Variants in FOXP1 observed in about 807,000 individuals in gnomAD.
FOXP1 encodes the protein forkhead box protein P1.
Under a neutral mutation model 98.2 loss-of-function variants are expected in FOXP1, and 15 were observed. The observed-to-expected ratio is 0.15, with a 90% CI of 0.10 to 0.24. The LOEUF is 0.24. Among genes scored for constraint, FOXP1 ranks in the 10% least tolerant of loss-of-function variants. FOXP1 has a pLI of 1.00. For missense variants in FOXP1, 633 were observed against 848.5 expected (o/e 0.75, Z 3.15); for synonymous variants, 371 against 314.5 (o/e 1.18, Z -1.90).
At chr3:71,576,131 C>T (rs1265277588) in intron 2 of FOXP1, among the ~76,000 whole-genome samples, 1 of 152,210 alleles carries the variant, frequency 6.6e-6, no homozygotes. Flanking sequence ...TGTCCTATAA[C>T]ATGCTAGCCT....
chr3:71,242,585 A>G (rs541932084), intron 5 of FOXP1, among the ~76,000 whole-genome samples: 7 of 152,314 alleles, frequency 4.6e-5, no homozygotes, highest in African/African-American at 1.7e-4. Context: ...ATTTAATGTC[A>G]GAAGAGTTTC....
At position 71,572,812 on chromosome 3, in the gene FOXP1, C is replaced by G. The variant is rs553410639; in HGVS notation, c.-298+8737G>C. On this transcript the variant is annotated intron_variant, in intron 2 of 20. Coordinates refer to ENST00000649528, the MANE Select transcript of FOXP1 (RefSeq NM_001349338.3). ...GTACATGGGTGCTCACTGATTTACTCTTTGTTCCTTTTTTGTGCCTTACAT... is the reference window on the plus strand; with the variant it reads ...GTACATGGGTGCTCACTGATTTACTGTTTGTTCCTTTTTTGTGCCTTACAT... 5.9e-5 allele frequency: 9 copies of G among 152,302 alleles called. No homozygotes were observed. The East Asian group carries it at 1.7e-3, about 29-fold the overall frequency. The allele number at this position is 152,302 out of a possible 1,614,324, so 9.4% of individuals were successfully genotyped here.
At chr3:71,024,846 T>C (rs989447634) in intron 11 of FOXP1, among the ~76,000 whole-genome samples, 1 of 152,232 alleles carries the variant, frequency 6.6e-6, no homozygotes, top group Non-Finnish European at 1.5e-5. Flanking sequence ...TATTAACCAT[T>C]TATGTCCAGA....
At chr3:71,026,371 G>C (rs2046115926) in intron 11 of FOXP1, among the ~76,000 whole-genome samples, 1 of 152,182 alleles carries the variant, frequency 6.6e-6, no homozygotes, top group African/African-American at 2.4e-5. Context: ...AGTAGTCCTT[G>C]AGGATCCAGT....
At chr3:71,033,279 C>T (rs2047115737) in intron 11 of FOXP1, among the ~76,000 whole-genome samples, 1 of 152,004 alleles carries the variant, frequency 6.6e-6, no homozygotes, top group Non-Finnish European at 1.5e-5. Flanking sequence ...AATGGGGGGT[C>T]CAAAGATGGT....
intron 5 of FOXP1, among the ~76,000 whole-genome samples, chr3:71,233,245 G>GGA: frequency 1.4e-5 from 2 of 147,922 alleles, no homozygotes; most frequent in South Asian, 4.5e-4. Flanking sequence ...GGAGGGAAGG[G>GGA]GAGAGGAGGG....
At chr3:70,962,715 C>A (rs892623091) in intron 20 of FOXP1, among the ~76,000 whole-genome samples, 1 of 152,114 alleles carries the variant, frequency 6.6e-6, no homozygotes, top group African/African-American at 2.4e-5. Context: ...TCAGGTCTAT[C>A]AATCTTTTCA....
chr3:71,319,683 G>C (rs2075284499), intron 4 of FOXP1, among the ~76,000 whole-genome samples: 1 of 152,102 alleles, frequency 6.6e-6, no homozygotes, highest in South Asian at 2.1e-4. Context: ...AAGTCATTAA[G>C]TTTTCAGTCC....
chr3:71,569,562 G>A (rs900115545), intron 2 of FOXP1, among the ~76,000 whole-genome samples: 16 of 152,010 alleles, frequency 1.1e-4, no homozygotes, highest in Non-Finnish European at 2.1e-4. Flanking sequence ...TGAAAGAACA[G>A]CATGTAACAA....
chr3:71,159,019 T>A (rs1424523983), intron 6 of FOXP1, among the ~76,000 whole-genome samples: 1 of 143,464 alleles, frequency 7.0e-6, no homozygotes, highest in Non-Finnish European at 1.5e-5. Context: ...GGTAGGAGAA[T>A]CCCTGGAGCC....
intron 3 of FOXP1, among the ~76,000 whole-genome samples, chr3:71,469,609 G>T (rs2048059): frequency 1 from 152,226 of 152,322 alleles, 76,066 homozygotes; most frequent in Non-Finnish European, 1. Flanking sequence ...AAATTCACAT[G>T]GATTACCAAC....
chr3:71,208,139 C>A (rs1265206405), intron 5 of FOXP1, among the ~76,000 whole-genome samples: 2 of 152,208 alleles, frequency 1.3e-5, no homozygotes, highest in African/African-American at 4.8e-5. Context: ...CCAACAGGAT[C>A]ATATCAAGCC....
Position 70,965,970 on chromosome 3 carries a change from C to T in FOXP1, c.1809G>A (p.Arg603=). 1 of 1,614,138 alleles carries T rather than the reference C, an allele frequency of 6.2e-7. No homozygotes were observed. The highest frequency in any genetic ancestry group is 8.5e-7 in the Non-Finnish European group (1 of 1,180,022). The change falls in exon 20 of 21, where the codon CGG becomes CGA. Residue 603 remains arginine, a synonymous_variant. Coordinates refer to ENST00000649528, the MANE Select transcript of FOXP1 (RefSeq NM_001349338.3). ...GCTCCATTGCCCCGTTCAGCTCTTC[C>T]CGTATTGCGCTGGCTAAGTTGCCCA... ...PTLGNLASAI[R]EELNGAMEHT...
At chr3:71,501,714 T>C (rs1349859471) in intron 2 of FOXP1, among the ~76,000 whole-genome samples, 3 of 152,112 alleles carry the variant, frequency 2.0e-5, no homozygotes, top group South Asian at 2.1e-4. Context: ...AAGGTGACTA[T>C]AGTCAAAATA....
intron 2 of FOXP1, among the ~76,000 whole-genome samples, chr3:71,496,900 T>C (rs577432335): frequency 6.6e-6 from 1 of 152,216 alleles, no homozygotes; most frequent in South Asian, 2.1e-4. Flanking sequence ...TGACTTCTAA[T>C]ATTTTAAAGT....
intron 6 of FOXP1, among the ~76,000 whole-genome samples, chr3:71,148,288 A>T (rs1226165743): frequency 1.3e-5 from 2 of 152,172 alleles, no homozygotes; most frequent in Non-Finnish European, 2.9e-5. Context: ...GAGGCAAGAG[A>T]ATCACTTGAA....
intron 20 of FOXP1, among the ~76,000 whole-genome samples, chr3:70,961,085 G>T (rs1695349075): frequency 6.6e-6 from 1 of 151,858 alleles, no homozygotes; most frequent in Non-Finnish European, 1.5e-5. Context: ...GCCCGCCTTG[G>T]CCTCCCAAAG....
chr3:71,370,968 A>C (rs2079271230), intron 3 of FOXP1, among the ~76,000 whole-genome samples: 1 of 151,652 alleles, frequency 6.6e-6, no homozygotes, highest in Non-Finnish European at 1.5e-5. Context: ...CGCCCAGCTA[A>C]TTTTTTTAGT....
intron 6 of FOXP1, among the ~76,000 whole-genome samples, chr3:71,161,998 G>C (rs2061160417): frequency 6.6e-6 from 1 of 152,194 alleles, no homozygotes; most frequent in Non-Finnish European, 1.5e-5. Context: ...AGCTCCCTTA[G>C]TATAGATAAG....
Sources: allele counts gnomAD v4.1 joint callset (sites outside exome capture counted in the v4.1 genomes callset), GRCh38; gene constraint gnomAD v4.1.1; transcripts MANE v1.5; gene names NCBI Gene and HGNC (gene_info 2026-07-23, HGNC 2026-07-21).